MBNL2: variants seen among roughly 807,000 people sequenced by gnomAD.
MBNL2 encodes the protein muscleblind like splicing regulator 2.
A neutral mutation model predicts 41.9 loss-of-function variants in MBNL2; 17 were observed. The observed-to-expected ratio is 0.41, with a 90% CI of 0.28 to 0.61. MBNL2 has a LOEUF of 0.61. Ranked by LOEUF, MBNL2 falls within the 20% of genes least tolerant of loss-of-function variation. The pLI, the probability that MBNL2 is intolerant of heterozygous loss-of-function variation, is 0.35. For missense variants in MBNL2, 336 were observed against 505.6 expected (o/e 0.66, Z 3.22); for synonymous variants, 195 against 182.9 (o/e 1.07, Z -0.53).
intron 7 of MBNL2, among the ~76,000 whole-genome samples, chr13:97,362,163 G>T (rs753707382): frequency 2.0e-5 from 3 of 151,946 alleles, no homozygotes; most frequent in Non-Finnish European, 4.4e-5. Context: ...TCAGATTTTG[G>T]AATATTTGGA....
At chr13:97,248,684 A>G (rs964189137) in intron 1 of MBNL2, among the ~76,000 whole-genome samples, 3 of 152,274 alleles carry the variant, frequency 2.0e-5, no homozygotes, top group Non-Finnish European at 4.4e-5. Context: ...AAAGAATAAT[A>G]AAATCAAGAT....
chr13:97,151,032 A>G, the MBNL2 span, among the ~76,000 whole-genome samples: 1 of 152,210 alleles, frequency 6.6e-6, no homozygotes, highest in African/African-American at 2.4e-5. Flanking sequence ...TAAAAGGACT[A>G]TAAGAGGTTA....
At chr13:97,248,801 C>G (rs2045977304) in intron 1 of MBNL2, among the ~76,000 whole-genome samples, 1 of 151,842 alleles carries the variant, frequency 6.6e-6, no homozygotes, top group Non-Finnish European at 1.5e-5. Flanking sequence ...ATATGTGGTG[C>G]CTTAATGGTT....
At chr13:97,257,733 G>T (rs1035768816) in intron 1 of MBNL2, among the ~76,000 whole-genome samples, 1 of 152,208 alleles carries the variant, frequency 6.6e-6, no homozygotes, top group East Asian at 1.9e-4. Flanking sequence ...GAGCACAGGC[G>T]CCTGTGCAGG....
At chr13:97,192,919 A>G in the MBNL2 span, among the ~76,000 whole-genome samples, 1 of 152,264 alleles carries the variant, frequency 6.6e-6, no homozygotes, top group East Asian at 1.9e-4. Flanking sequence ...GGTGAAAAAT[A>G]GACGTTAGTT....
the MBNL2 span, among the ~76,000 whole-genome samples, chr13:97,174,922 T>C: frequency 6.6e-6 from 1 of 152,154 alleles, no homozygotes; most frequent in African/African-American, 2.4e-5. Context: ...GCTCACAGAT[T>C]ACTGGGAACC....
intron 1 of MBNL2, among the ~76,000 whole-genome samples, chr13:97,223,668 T>TG (rs1324913929): frequency 1.3e-5 from 2 of 152,232 alleles, no homozygotes; most frequent in East Asian, 1.9e-4. Context: ...GTGTGTGTTT[T>TG]GGGGACAATA....
chr13:97,339,637 G>A (rs1032529149), intron 3 of MBNL2, among the ~76,000 whole-genome samples: 2 of 152,100 alleles, frequency 1.3e-5, no homozygotes, highest in South Asian at 4.2e-4. Flanking sequence ...TTTCTCAGCC[G>A]CCAGCTGAGA....
At chr13:97,245,424 A>C (rs556932949) in intron 1 of MBNL2, among the ~76,000 whole-genome samples, 53 of 152,324 alleles carry the variant, frequency 3.5e-4, no homozygotes, top group Non-Finnish European at 7.2e-4. Flanking sequence ...AAGTGGTTAC[A>C]AAGCTAGGAT....
the MBNL2 span, among the ~76,000 whole-genome samples, chr13:97,188,540 G>A: frequency 6.6e-6 from 1 of 151,788 alleles, no homozygotes; most frequent in Non-Finnish European, 1.5e-5. Flanking sequence ...GCTTCCTGCA[G>A]CTTTCTGAAT....
chr13:97,268,157 C>T lies in MBNL2; in HGVS notation c.-604-7475C>T, dbSNP rs151303744. ...TCATCCAGGCTAGAGTGCAGTGGCA[C>T]GATCTTGGCTCACTGCAACCTCTGC... On this transcript the variant is annotated intron_variant, in intron 1 of 8. Transcript: ENST00000679496. The surrounding 1 kb of genome is among the most constrained non-coding windows in gnomAD (Gnocchi z 4.6). Among the ~76,000 whole-genome samples the T allele has an allele frequency of 0.014, 2,182 of 152,196 alleles. 48 individuals are homozygous for T. The highest frequency in any genetic ancestry group is 0.044 in the African/African-American group (1,823 of 41,508).
intron 2 of MBNL2, among the ~76,000 whole-genome samples, chr13:97,321,201 G>C (rs1048408440): frequency 1.3e-5 from 2 of 152,162 alleles, no homozygotes; most frequent in African/African-American, 4.8e-5. Context: ...TTTATAATAA[G>C]ATGTGATATT....
chr13:97,218,989 G>T (rs1310875161), upstream of MBNL2, among the ~76,000 whole-genome samples: 6 of 151,756 alleles, frequency 4.0e-5, no homozygotes, highest in African/African-American at 1.5e-4. Context: ...CCAAATTAAT[G>T]TATAACCATC....
the MBNL2 span, among the ~76,000 whole-genome samples, chr13:97,155,394 A>C: frequency 2.3e-3 from 260 of 115,346 alleles, no homozygotes; most frequent in East Asian, 6.1e-3. Flanking sequence ...TTTTTTTTTT[A>C]TTTTTTTTTT....
chr13:97,264,956 C>T (rs1297424341), intron 1 of MBNL2, among the ~76,000 whole-genome samples: 1 of 152,220 alleles, frequency 6.6e-6, no homozygotes, highest in African/African-American at 2.4e-5. Flanking sequence ...ATGCAGTTTT[C>T]AATGGTCTCT....
intron 8 of MBNL2, among the ~76,000 whole-genome samples, chr13:97,371,011 G>C (rs2064321898): frequency 6.6e-6 from 1 of 152,294 alleles, no homozygotes; most frequent in South Asian, 2.1e-4. Context: ...TTTAATCTTA[G>C]AGTGTACATT....
intron 7 of MBNL2, among the ~76,000 whole-genome samples, chr13:97,361,589 A>G (rs2063393251): frequency 6.6e-6 from 1 of 152,112 alleles, no homozygotes. Context: ...AGCCACATCC[A>G]GGACTGAAGC....
chr13:97,245,373 T>C (rs1274963514), intron 1 of MBNL2, among the ~76,000 whole-genome samples: 1 of 152,174 alleles, frequency 6.6e-6, no homozygotes, highest in African/African-American at 2.4e-5. Flanking sequence ...GAGGAACAGA[T>C]ACTATTCATT....
chr13:97,155,006 A>C, the MBNL2 span, among the ~76,000 whole-genome samples: 1 of 152,186 alleles, frequency 6.6e-6, no homozygotes, highest in Non-Finnish European at 1.5e-5. Flanking sequence ...ACTCCTATGC[A>C]GTCAGAATTA....
Sources: gnomAD v4.1 joint callset for allele counts (sites outside exome capture counted in the v4.1 genomes callset) on GRCh38, gnomAD v4.1.1 for gene constraint, Gnocchi (gnomAD v3.1) non-coding constraint, MANE v1.5 for transcripts, NCBI Gene and HGNC (gene_info 2026-07-23, HGNC 2026-07-21) for gene names.